CFAP92: variants seen among roughly 807,000 people sequenced by gnomAD.
CFAP92 encodes the protein cilia and flagella associated protein 92 (putative).
In CFAP92, 86 loss-of-function variants were observed where a neutral mutation model predicts 106.3. The ratio of observed to expected loss-of-function variants is 0.81; its 90% CI spans 0.68 to 0.97. The LOEUF (loss-of-function observed/expected upper bound fraction) is 0.97, where lower values mean the gene tolerates loss of function less well. Among genes scored for constraint, CFAP92 ranks in the 50% least tolerant of loss-of-function variants. The pLI, the probability that CFAP92 is intolerant of heterozygous loss-of-function variation, is 0.00. For missense variants in CFAP92, 1,204 were observed against 1,283.8 expected (o/e 0.94, Z 0.95); for synonymous variants, 477 against 506.4 (o/e 0.94, Z 0.78).
At chr3:129,005,191 G>A (rs1945015671), upstream of CFAP92, among the ~76,000 whole-genome samples, 1 of 152,266 alleles carries the variant, frequency 6.6e-6, no homozygotes, top group African/African-American at 2.4e-5. Flanking sequence ...CCACCTGTGA[G>A]CAGGTGAGAC....
intron 9 of CFAP92, among the ~76,000 whole-genome samples, chr3:128,948,547 T>C (rs1416855755): frequency 8.1e-6 from 1 of 123,098 alleles, no homozygotes; most frequent in Non-Finnish European, 1.7e-5. Flanking sequence ...TTTTTTTCCC[T>C]GAGACAGGCT....
At chr3:129,015,924 G>A in the CFAP92 span, among the ~76,000 whole-genome samples, 4 of 152,222 alleles carry the variant, frequency 2.6e-5, no homozygotes, top group Non-Finnish European at 4.4e-5. Context: ...CCCAGAGTAG[G>A]TGCTGCAGCG....
At chr3:128,933,723 TTC>T (rs1938663411) in intron 11 of CFAP92, among the ~76,000 whole-genome samples, 1 of 152,184 alleles carries the variant, frequency 6.6e-6, no homozygotes, top group African/African-American at 2.4e-5. Flanking sequence ...AAAAGTGTTC[TTC>T]TGTTTCCTTC....
chr3:128,981,701 T>C (rs1943547579), intron 4 of CFAP92, among the ~76,000 whole-genome samples: 2 of 152,230 alleles, frequency 1.3e-5, no homozygotes, highest in African/African-American at 4.8e-5. Context: ...GCTATGGCCT[T>C]ATGAAATGTG....
At position 128,988,709 on chromosome 3, in the gene CFAP92, C is replaced by A. The variant is rs1292828447; in HGVS notation, c.453+19G>T. On this transcript the variant is annotated intron_variant, in intron 3 of 15. Coordinates refer to ENST00000645291, the MANE Select transcript of CFAP92 (RefSeq NM_001394090.1). ...GAGCATCAGACCATACACAAGGCCACACACACTCACACACGCACCTTTACT... is the reference window on the plus strand; with the variant it reads ...GAGCATCAGACCATACACAAGGCCAAACACACTCACACACGCACCTTTACT... The A allele has an allele frequency of 1.2e-6, 2 of 1,612,256 alleles. No individual in the cohort carries two copies. The highest frequency in any genetic ancestry group is 1.7e-6 in the Non-Finnish European group (2 of 1,178,598).
chr3:128,948,217 G>A (rs1191526261), intron 9 of CFAP92, among the ~76,000 whole-genome samples: 1 of 151,978 alleles, frequency 6.6e-6, no homozygotes, highest in African/African-American at 2.4e-5. Flanking sequence ...TGGTGAGACA[G>A]GGTCTTGCTC....
chr3:128,983,509 G>T (rs550834983), intron 4 of CFAP92, among the ~76,000 whole-genome samples: 1 of 152,146 alleles, frequency 6.6e-6, no homozygotes, highest in South Asian at 2.1e-4. Context: ...GCTCCTCAAT[G>T]CCTTTCATTT....
intron 4 of CFAP92, among the ~76,000 whole-genome samples, chr3:128,980,484 G>C (rs1038750176): frequency 1.4e-4 from 21 of 151,948 alleles, no homozygotes; most frequent in African/African-American, 4.6e-4. Flanking sequence ...GGTGGGTGCT[G>C]AGGGCTGGGT....
intron 7 of CFAP92, among the ~76,000 whole-genome samples, chr3:128,973,447 G>A (rs564376776): frequency 1.2e-3 from 184 of 151,946 alleles, no homozygotes; most frequent in Non-Finnish European, 2.1e-3. Context: ...ACCTGAGGTC[G>A]GGAGTTCAAG....
chr3:128,995,724 C>G (rs1944454801), upstream of CFAP92, among the ~76,000 whole-genome samples: 1 of 152,206 alleles, frequency 6.6e-6, no homozygotes, highest in Non-Finnish European at 1.5e-5. Flanking sequence ...GACCAAGGGC[C>G]AATGTGCCAT....
At chr3:128,944,951 C>T (rs1225793762) in intron 10 of CFAP92, 120 bp downstream of exon 10, 4 of 870,396 alleles carry the variant, frequency 4.6e-6, no homozygotes, top group Non-Finnish European at 6.9e-6. Context: ...TCACAATGAA[C>T]CCCGAAAGGA....
At chr3:128,979,061 G>A (rs1053696348) in intron 4 of CFAP92, among the ~76,000 whole-genome samples, 6 of 152,136 alleles carry the variant, frequency 3.9e-5, no homozygotes, top group African/African-American at 1.4e-4. Flanking sequence ...ATCTGATAAA[G>A]GGCTAACATC....
upstream of CFAP92, among the ~76,000 whole-genome samples, chr3:128,996,192 C>T (rs2107832843): frequency 6.6e-6 from 1 of 152,246 alleles, no homozygotes; most frequent in South Asian, 2.1e-4. Flanking sequence ...CAGCCTCAAC[C>T]CCCAGACATA....
At chr3:128,966,900 GTAT>G (rs1942408971) in intron 8 of CFAP92, 2 of 152,096 alleles carry the variant, frequency 1.3e-5, no homozygotes, top group Non-Finnish European at 2.9e-5. Flanking sequence ...AGGTATCCAT[GTAT>G]TTCACCAGTC....
intron 9 of CFAP92, among the ~76,000 whole-genome samples, chr3:128,948,543 T>TC (rs765343071): frequency 5.5e-5 from 7 of 127,854 alleles, no homozygotes; most frequent in Admixed American, 2.4e-4. Context: ...TTTTTTTTTT[T>TC]CCCTGAGACA....
At chr3:128,919,450 G>T (rs1937089712) in intron 12 of CFAP92, among the ~76,000 whole-genome samples, 1 of 151,648 alleles carries the variant, frequency 6.6e-6, no homozygotes, top group Non-Finnish European at 1.5e-5. Context: ...ATTGTATATT[G>T]AGGACAACAA....
rs1422803574 is a variant in CFAP92, at chr3:128,965,803, A to G, written c.1169-108T>C. 11 of 396,484 alleles carry G rather than the reference A, an allele frequency of 2.8e-5. No homozygotes were observed. The Admixed American group carries it at 3.5e-4, about 13-fold the overall frequency. 24.6% of individuals were successfully genotyped at this position (396,484 alleles called of 1,614,324 possible). On this transcript the variant is annotated intron_variant, in intron 8 of 15. Coordinates refer to ENST00000645291, the MANE Select transcript of CFAP92 (RefSeq NM_001394090.1). Reference sequence around the variant, plus strand: ...GCCAATGATAAAATCACAACCCAAAAGTGAAAACTTTAATTAAAAAAAAAA... The same window carrying G: ...GCCAATGATAAAATCACAACCCAAAGGTGAAAACTTTAATTAAAAAAAAAA...
rs1403311912 is a variant in CFAP92 at position 128,993,187 on chromosome 3, TG to T, written c.117del (p.Lys40ArgfsTer46). ...SECDVEEHLK[A>X]KARAQESDSD... ...GAGTCAGACTCCTGGGCCCTGGCCTTGGCCTTCAGGTGTTCCTCCACGTCAC... is the reference window on the plus strand; with the variant it reads ...GAGTCAGACTCCTGGGCCCTGGCCTTGCCTTCAGGTGTTCCTCCACGTCAC... On this transcript the variant is annotated frameshift_variant, in exon 2 of 16. Transcript: ENST00000645291. LOFTEE classifies it high-confidence loss of function. 1 of 1,613,966 alleles carries T rather than the reference TG, an allele frequency of 6.2e-7. No homozygotes were observed. Among genetic ancestry groups the T allele is most frequent in the Admixed American group, 1.7e-5 (1 of 60,016 alleles).
intron 4 of CFAP92, among the ~76,000 whole-genome samples, 162 bp downstream of exon 4, chr3:128,987,454 C>T (rs1290383474): frequency 3.3e-5 from 5 of 152,136 alleles, no homozygotes; most frequent in African/African-American, 1.2e-4. Flanking sequence ...GTGGCGCTTC[C>T]TGTCACCACA....
Sources: allele counts gnomAD v4.1 joint callset (sites outside exome capture counted in the v4.1 genomes callset), GRCh38; gene constraint gnomAD v4.1.1; transcripts MANE v1.5; gene names NCBI Gene and HGNC (gene_info 2026-07-23, HGNC 2026-07-21).